Variants in XYLT1 observed in about 807,000 individuals in gnomAD.
The protein encoded by XYLT1 is beta-D-xylosyltransferase 1.
XYLT1 carries 36 observed loss-of-function variants against 91.3 expected under a neutral mutation model. That is an observed-to-expected ratio of 0.39 (90% CI 0.30 to 0.52). The LOEUF is 0.52. Among genes scored for constraint, XYLT1 ranks in the 20% least tolerant of loss-of-function variants. The pLI is 0.68. For synonymous variants in XYLT1, 588 were observed against 532.0 expected, an observed-to-expected ratio of 1.11 and a Z score of -1.45; for missense variants, 1,242 against 1,284.5, an observed-to-expected ratio of 0.97 and a Z score of 0.51.
At chr16:17,404,049 G>T (rs886170502) in intron 1 of XYLT1, among the ~76,000 whole-genome samples, 1 of 152,068 alleles carries the variant, frequency 6.6e-6, no homozygotes, top group Non-Finnish European at 1.5e-5. Flanking sequence ...CCGCAGCAAC[G>T]TCAGACAGAT....
chr16:17,408,575 G>A (rs1185609020), intron 1 of XYLT1, among the ~76,000 whole-genome samples: 1 of 152,242 alleles, frequency 6.6e-6, no homozygotes, highest in African/African-American at 2.4e-5. Context: ...GCCGGGGATG[G>A]TGGCTTAGGC....
At chr16:17,436,358 G>A (rs1276505973) in intron 1 of XYLT1, among the ~76,000 whole-genome samples, 1 of 152,156 alleles carries the variant, frequency 6.6e-6, no homozygotes, top group African/African-American at 2.4e-5. Context: ...GGGGTAAAGG[G>A]ATTTGAACCA....
At chr16:17,147,351 GAGAC>G (rs1269084365) in intron 6 of XYLT1, among the ~76,000 whole-genome samples, 2 of 152,206 alleles carry the variant, frequency 1.3e-5, no homozygotes, top group Non-Finnish European at 2.9e-5. Flanking sequence ...CTAACCATGA[GAGAC>G]AGACAGAGAA....
At chr16:17,446,694 C>T (rs759074749) in intron 1 of XYLT1, among the ~76,000 whole-genome samples, 1 of 152,186 alleles carries the variant, frequency 6.6e-6, no homozygotes, top group Non-Finnish European at 1.5e-5. Flanking sequence ...AAGACCCCAT[C>T]GTCTGCATTA....
intron 5 of XYLT1, among the ~76,000 whole-genome samples, chr16:17,170,193 T>C (rs1333449114): frequency 1.3e-5 from 2 of 152,224 alleles, no homozygotes; most frequent in Non-Finnish European, 2.9e-5. Flanking sequence ...TTCTATATTC[T>C]TCGCTAGAAA....
chr16:17,247,912 C>A (rs1285649960), intron 3 of XYLT1, among the ~76,000 whole-genome samples: 2 of 152,140 alleles, frequency 1.3e-5, no homozygotes, highest in African/African-American at 4.8e-5. Context: ...TTTCCTGATC[C>A]AAGATGACCT....
intron 2 of XYLT1, among the ~76,000 whole-genome samples, chr16:17,266,418 C>T (rs900249339): frequency 1.3e-5 from 2 of 152,168 alleles, no homozygotes; most frequent in African/African-American, 4.8e-5. Flanking sequence ...ATTTAATCTC[C>T]ATGATGAGCT....
chr16:17,310,534 G>C (rs1413711310), intron 2 of XYLT1, among the ~76,000 whole-genome samples: 1 of 152,162 alleles, frequency 6.6e-6, no homozygotes, highest in Non-Finnish European at 1.5e-5. Context: ...GTAAACATCT[G>C]TGGAATAAGT....
chr16:17,253,823 TGAGAGAGAGA>T lies in XYLT1; in HGVS notation c.913+5155_913+5164del, dbSNP rs3060128. Among the ~76,000 whole-genome samples, 1,095 of 114,878 alleles carry T rather than the reference TGAGAGAGAGA, an allele frequency of 9.5e-3. 13 individuals carry two copies. Among genetic ancestry groups the T allele is most frequent in the African/African-American group, 0.034 (1,007 of 29,226 alleles). The allele number at this position is 114,878 out of a possible 152,430, so 75.4% of individuals were successfully genotyped here. On this transcript the variant is annotated intron_variant, in intron 3 of 11. Coordinates refer to ENST00000261381, the MANE Select transcript of XYLT1 (RefSeq NM_022166.4). ...CCCTGCCTTCTTCTCCCTTGCAACTTGAGAGAGAGAGAGAGAGAGAGAGAGAGAGAGAGAG... is the reference window on the plus strand; with the variant it reads ...CCCTGCCTTCTTCTCCCTTGCAACTTGAGAGAGAGAGAGAGAGAGAGAGAG...
chr16:17,311,553 A>G (rs570656308), intron 2 of XYLT1, among the ~76,000 whole-genome samples: 45 of 152,282 alleles, frequency 3.0e-4, no homozygotes, highest in African/African-American at 1.1e-3. Flanking sequence ...GCTCAGACCC[A>G]GGCACACAGC....
At chr16:17,122,456 T>C (rs2030101188) in intron 10 of XYLT1, among the ~76,000 whole-genome samples, 1 of 152,238 alleles carries the variant, frequency 6.6e-6, no homozygotes, top group Admixed American at 6.5e-5. Flanking sequence ...TTTTTCTTGC[T>C]GATTTGAGTT....
intron 4 of XYLT1, among the ~76,000 whole-genome samples, chr16:17,199,193 C>A (rs1256645502): frequency 6.6e-6 from 1 of 152,230 alleles, no homozygotes; most frequent in African/African-American, 2.4e-5. Context: ...TATCCTCTCA[C>A]AGGTCTGCTA....
intron 3 of XYLT1, among the ~76,000 whole-genome samples, chr16:17,255,947 G>A (rs1186180523): frequency 6.6e-6 from 1 of 152,202 alleles, no homozygotes; most frequent in African/African-American, 2.4e-5. Context: ...GTTGAAGGTT[G>A]CAGTGATCTA....
intron 2 of XYLT1, among the ~76,000 whole-genome samples, chr16:17,350,370 T>G (rs780363389): frequency 6.6e-6 from 1 of 152,132 alleles, no homozygotes; most frequent in Non-Finnish European, 1.5e-5. Context: ...TCACCCTGAG[T>G]CATACAGACT....
At chr16:17,329,466 A>C (rs1239319972) in intron 2 of XYLT1, among the ~76,000 whole-genome samples, 1 of 152,170 alleles carries the variant, frequency 6.6e-6, no homozygotes, top group Non-Finnish European at 1.5e-5. Context: ...TGGTTTTCTT[A>C]GTTCTTTATC....
chr16:17,454,648 T>C (rs1349044595), intron 1 of XYLT1, among the ~76,000 whole-genome samples: 1 of 152,042 alleles, frequency 6.6e-6, no homozygotes, highest in Admixed American at 6.5e-5. Context: ...GTGATTCTCC[T>C]GCCTCAGCCA....
chr16:17,361,874 A>G (rs2035386276), intron 1 of XYLT1, among the ~76,000 whole-genome samples: 1 of 152,230 alleles, frequency 6.6e-6, no homozygotes, highest in Admixed American at 6.5e-5. Flanking sequence ...GCAATAAATG[A>G]CATTTGTTAA....
At chr16:17,292,720 G>A (rs2141800210) in intron 2 of XYLT1, among the ~76,000 whole-genome samples, 1 of 152,336 alleles carries the variant, frequency 6.6e-6, no homozygotes, top group African/African-American at 2.4e-5. Flanking sequence ...TGAAGTGAAT[G>A]AGAAAAGCAC....
intron 3 of XYLT1, among the ~76,000 whole-genome samples, chr16:17,253,566 G>A (rs117711951): frequency 0.018 from 2,776 of 152,222 alleles, 96 homozygotes; most frequent in Admixed American, 0.1. Flanking sequence ...AGCACTACCA[G>A]GTACAGTTCT....
Sources: gnomAD v4.1 joint callset for allele counts (sites outside exome capture counted in the v4.1 genomes callset) on GRCh38, gnomAD v4.1.1 for gene constraint, MANE v1.5 for transcripts, NCBI Gene and HGNC (gene_info 2026-07-23, HGNC 2026-07-21) for gene names.